Variants in FGF12 observed in about 807,000 individuals in gnomAD.
FGF12 encodes the protein fibroblast growth factor 12.
A neutral mutation model predicts 23.6 loss-of-function variants in FGF12; 14 were observed. That is an observed-to-expected ratio of 0.59 (90% CI 0.39 to 0.93). The LOEUF (loss-of-function observed/expected upper bound fraction) is 0.93, where lower values mean the gene tolerates loss of function less well. FGF12 is among the 40% of genes least tolerant of loss of function. The pLI, the probability that FGF12 is intolerant of heterozygous loss-of-function variation, is 0.00. For missense variants in FGF12, 175 were observed against 217.8 expected, an observed-to-expected ratio of 0.80 and a Z score of 1.24; for synonymous variants, 62 against 77.3, an observed-to-expected ratio of 0.80 and a Z score of 1.04.
intron 2 of FGF12, among the ~76,000 whole-genome samples, chr3:192,387,131 T>C (rs968744059): frequency 4.6e-5 from 7 of 152,210 alleles, no homozygotes; most frequent in Non-Finnish European, 7.3e-5. Flanking sequence ...CTGCAAATCC[T>C]GGGATCGTAA....
chr3:192,301,794 T>C (rs941484306), intron 4 of FGF12, among the ~76,000 whole-genome samples: 2 of 152,002 alleles, frequency 1.3e-5, no homozygotes, highest in Admixed American at 1.3e-4. Flanking sequence ...ATTCTCCACC[T>C]TGAGAAGAAG....
At chr3:192,407,041 A>G (rs899502332) in intron 2 of FGF12, among the ~76,000 whole-genome samples, 2 of 152,238 alleles carry the variant, frequency 1.3e-5, no homozygotes, top group African/African-American at 4.8e-5. Context: ...GTCTGATGGA[A>G]GCACAGATCT....
chr3:192,484,292 C>G (rs1487783929), intron 2 of FGF12, among the ~76,000 whole-genome samples: 2 of 140,136 alleles, frequency 1.4e-5, no homozygotes, highest in Non-Finnish European at 3.1e-5. Context: ...TCTTTTAATC[C>G]AATAGAGATC....
At chr3:192,469,043 T>C (rs1306012423) in intron 2 of FGF12, among the ~76,000 whole-genome samples, 1 of 152,176 alleles carries the variant, frequency 6.6e-6, no homozygotes, top group African/African-American at 2.4e-5. Context: ...TGTTCCAGAT[T>C]TGGATATCGA....
chr3:192,252,440 G>C (rs1220467742), intron 4 of FGF12, among the ~76,000 whole-genome samples: 1 of 113,450 alleles, frequency 8.8e-6, no homozygotes, highest in Non-Finnish European at 1.7e-5. Context: ...TCCAGCCTGG[G>C]TAATGGAGTG....
At chr3:192,371,650 A>G (rs1719236879) in intron 2 of FGF12, among the ~76,000 whole-genome samples, 1 of 152,224 alleles carries the variant, frequency 6.6e-6, no homozygotes, top group Non-Finnish European at 1.5e-5. Context: ...ACAGAAAGGA[A>G]ATGCCAAGCA....
chr3:192,616,446 T>C (rs1437416983), intron 2 of FGF12, among the ~76,000 whole-genome samples: 17 of 152,048 alleles, frequency 1.1e-4, no homozygotes, highest in Admixed American at 9.2e-4. Flanking sequence ...ATCAGATTTA[T>C]TATGATTCCT....
chr3:192,496,765 G>C (rs2108829951), intron 2 of FGF12, among the ~76,000 whole-genome samples: 1 of 152,172 alleles, frequency 6.6e-6, no homozygotes, highest in African/African-American at 2.4e-5. Context: ...GCGTATTGTG[G>C]ATAACTCTCA....
At chr3:192,187,719 T>C (rs1486821336) in intron 4 of FGF12, among the ~76,000 whole-genome samples, 4 of 150,798 alleles carry the variant, frequency 2.7e-5, no homozygotes, top group Admixed American at 6.6e-5. Flanking sequence ...GTGTAGGAAC[T>C]TGGAAGCAAA....
At chr3:192,290,999 T>A (rs1714728143) in intron 4 of FGF12, among the ~76,000 whole-genome samples, 1 of 152,166 alleles carries the variant, frequency 6.6e-6, no homozygotes, top group Admixed American at 6.6e-5. Context: ...TATGCATATA[T>A]GTGTGTGTAT....
chr3:192,583,059 A>T (rs766460530), intron 2 of FGF12, among the ~76,000 whole-genome samples: 19 of 152,178 alleles, frequency 1.2e-4, no homozygotes, highest in Non-Finnish European at 2.1e-4. Flanking sequence ...GCTAGGTCAC[A>T]TCACATCTCC....
intron 2 of FGF12, among the ~76,000 whole-genome samples, chr3:192,630,653 C>A (rs570485099): frequency 6.6e-6 from 1 of 151,226 alleles, no homozygotes; most frequent in Non-Finnish European, 1.5e-5. Flanking sequence ...CCCAGGTTCA[C>A]CCCATTCTCC....
intron 2 of FGF12, among the ~76,000 whole-genome samples, chr3:192,460,731 A>G (rs552092005): frequency 4.6e-5 from 7 of 151,056 alleles, no homozygotes; most frequent in Admixed American, 4.0e-4. Flanking sequence ...TTGCATTTAG[A>G]TAGTGCCTTA....
At chr3:192,655,114 T>C (rs1716353883) in intron 2 of FGF12, among the ~76,000 whole-genome samples, 2 of 152,306 alleles carry the variant, frequency 1.3e-5, no homozygotes, top group African/African-American at 2.4e-5. Flanking sequence ...ATTTTGTATA[T>C]GGTGTATAAA....
rs534110241 is a variant in FGF12 at position 192,433,840 on chromosome 3, A to G, written c.14-73302T>C. Among the ~76,000 whole-genome samples, 5 of 152,328 alleles carry G rather than the reference A, an allele frequency of 3.3e-5. No homozygotes were observed. The South Asian group carries it at 1.0e-3, about 32-fold the overall frequency. On this transcript the variant is annotated intron_variant, in intron 2 of 5. Coordinates refer to ENST00000445105, the MANE Select transcript of FGF12 (RefSeq NM_004113.6). ...CCCCATGGGGTATGTTCACAACACA[A>G]TTCAATCTCTTGCCATGCACTTTTG... is the stretch of plus-strand genomic sequence containing the variant.
intron 2 of FGF12, among the ~76,000 whole-genome samples, chr3:192,375,822 C>T (rs4429577): frequency 0.5 from 75,340 of 152,030 alleles, 21,940 homozygotes; most frequent in African/African-American, 0.82. Context: ...AAGATGCTTA[C>T]TTTCCCTCAG....
At position 192,719,509 on chromosome 3, in the gene FGF12, T is replaced by G. The variant is rs984520824; in HGVS notation, c.13+7672A>C. Among the ~76,000 whole-genome samples, 10 of 152,150 alleles carry G rather than the reference T, an allele frequency of 6.6e-5. No individual in the cohort carries two copies. In the East Asian group the frequency reaches 1.5e-3, roughly 23 times the overall value. ...TATTTGTAGGCTTGAAAATAAAGAGTGATTTACATGAAAACCTTTATCTTG... is the reference window on the plus strand; with the variant it reads ...TATTTGTAGGCTTGAAAATAAAGAGGGATTTACATGAAAACCTTTATCTTG... On this transcript the variant is annotated intron_variant, in intron 2 of 5. Coordinates refer to ENST00000445105, the MANE Select transcript of FGF12 (RefSeq NM_004113.6).
At chr3:192,541,365 T>C (rs1179390735) in intron 2 of FGF12, among the ~76,000 whole-genome samples, 1 of 152,212 alleles carries the variant, frequency 6.6e-6, no homozygotes, top group Non-Finnish European at 1.5e-5. Context: ...TTTAAATTAA[T>C]GACAAATTAA....
At chr3:192,457,242 G>T (rs112966463) in intron 2 of FGF12, among the ~76,000 whole-genome samples, 3,182 of 152,252 alleles carry the variant, frequency 0.021, 137 homozygotes, top group African/African-American at 0.073. Context: ...ACAGTAAATT[G>T]GTACCAGTAG....
Sources: allele counts gnomAD v4.1 joint callset (sites outside exome capture counted in the v4.1 genomes callset), GRCh38; gene constraint gnomAD v4.1.1; transcripts MANE v1.5; gene names NCBI Gene and HGNC (gene_info 2026-07-23, HGNC 2026-07-21).